FRY: variants seen among roughly 807,000 people sequenced by gnomAD.
FRY encodes the protein FRY microtubule binding protein.
In FRY, 128 loss-of-function variants were observed where a neutral mutation model predicts 348.4. The observed-to-expected ratio is 0.37, with a 90% CI of 0.32 to 0.43. FRY has a LOEUF of 0.43. FRY is among the 20% of genes least tolerant of loss of function. The probability of loss-of-function intolerance (pLI) is 1.00; values close to 1 mark genes in which losing one functional copy is unlikely to be tolerated. For synonymous variants in FRY, 1,370 were observed against 1,374.7 expected, an observed-to-expected ratio of 1.00 and a Z score of 0.08; for missense variants, 2,736 against 3,695.2, an observed-to-expected ratio of 0.74 and a Z score of 6.73.
rs765711175 is a variant in FRY, at chr13:32,078,857, A to C, written c.94A>C (p.Ile32Leu). 1 of 1,614,104 alleles carries C rather than the reference A, an allele frequency of 6.2e-7. No individual in the cohort carries two copies. Residue 32 changes from isoleucine (I) to leucine (L), a missense_variant, in exon 2 of 61, where the codon ATC becomes CTC. Ile to Leu is a conservative substitution (Grantham distance 5, BLOSUM62 2). Transcript: ENST00000542859. ...SNTSPVGNGY[I>L]KPPVPPASGT... ...AGCTTCTCCCGTTGGCAACGGTTAC[A>C]TCAAGCCTCCGGTTCCACCTGCTTC...
chr13:32,144,245 G>A lies in FRY; in HGVS notation c.1180-3037G>A, dbSNP rs1299598708. ...CAAAAAAAAAAACTTCTACATAAAT[G>A]TGTGCTTCTAAAAAGCCAGGTTTTT... On this transcript the variant is annotated intron_variant, in intron 11 of 60. Transcript: ENST00000542859. Among the ~76,000 whole-genome samples the A allele has an allele frequency of 3.4e-5, 5 of 148,688 alleles. 1 individual carries two copies. In the South Asian group the frequency reaches 6.4e-4, roughly 19 times the overall value.
At chr13:32,101,648 T>C (rs1359919392) in intron 2 of FRY, among the ~76,000 whole-genome samples, 1 of 152,238 alleles carries the variant, frequency 6.6e-6, no homozygotes, top group African/African-American at 2.4e-5. Context: ...TTTGTCTTTT[T>C]GATAAAAGTC....
intron 39 of FRY, 21 bp from the exon 40 acceptor site, chr13:32,228,435 T>C (rs1401548825): frequency 1.3e-6 from 2 of 1,596,686 alleles, no homozygotes; most frequent in Admixed American, 1.7e-5. Context: ...ACATCCCTCC[T>C]TGACCTTCTT....
At chr13:32,056,334 A>G (rs1410303923) in intron 1 of FRY, among the ~76,000 whole-genome samples, 1 of 152,198 alleles carries the variant, frequency 6.6e-6, no homozygotes, top group Non-Finnish European at 1.5e-5. Flanking sequence ...CTGCTTCACC[A>G]GTAGCTTGCT....
intron 17 of FRY, among the ~76,000 whole-genome samples, chr13:32,166,189 C>T (rs1278813908): frequency 2.0e-5 from 3 of 152,220 alleles, no homozygotes; most frequent in Non-Finnish European, 4.4e-5. Flanking sequence ...GAAATTTAGC[C>T]TTAGTTCCCC....
intron 3 of FRY, among the ~76,000 whole-genome samples, chr13:32,113,937 C>T (rs17077090): frequency 0.05 from 7,560 of 152,158 alleles, 232 homozygotes; most frequent in African/African-American, 0.1. Context: ...GGAAAGTATG[C>T]CCAGTAGATC....
intron 36 of FRY, among the ~76,000 whole-genome samples, chr13:32,223,831 C>T (rs1242924779): frequency 6.6e-6 from 1 of 152,116 alleles, no homozygotes; most frequent in African/African-American, 2.4e-5. Context: ...CAGATTCAAG[C>T]GATTCTCCTG....
At chr13:32,057,202 A>T (rs1453277211) in intron 1 of FRY, among the ~76,000 whole-genome samples, 1 of 151,310 alleles carries the variant, frequency 6.6e-6, no homozygotes, top group East Asian at 1.9e-4. Context: ...ACAGACTCTC[A>T]CTCTGTCACC....
chr13:32,134,840 A>G, intron 8 of FRY, 64 bp from the exon 9 acceptor site: 1 of 977,168 alleles, frequency 1.0e-6, no homozygotes, highest in African/African-American at 1.6e-5. Context: ...AAACTTGTTT[A>G]AATACATTCT....
chr13:32,153,891 AAGGG>A (rs1378063781), intron 14 of FRY, among the ~76,000 whole-genome samples: 1 of 152,206 alleles, frequency 6.6e-6, no homozygotes, highest in Non-Finnish European at 1.5e-5. Flanking sequence ...AGACAAATAA[AAGGG>A]AGAGTTGTGA....
intron 55 of FRY, among the ~76,000 whole-genome samples, chr13:32,273,514 G>A (rs1336299127): frequency 5.3e-5 from 8 of 151,976 alleles, no homozygotes; most frequent in African/African-American, 1.9e-4. Flanking sequence ...GAGCCACCGC[G>A]CCCGGCCTAA....
chr13:32,194,013 A>G, intron 28 of FRY, 130 bp from the exon 29 acceptor site: 1 of 921,454 alleles, frequency 1.1e-6, no homozygotes, highest in South Asian at 1.3e-5. Context: ...ATATGACATA[A>G]AAACCAAAAT....
intron 23 of FRY, among the ~76,000 whole-genome samples, chr13:32,182,581 T>G (rs1051547582): frequency 1.7e-4 from 26 of 152,226 alleles, no homozygotes; most frequent in Admixed American, 1.5e-3. Context: ...TTTATTTATC[T>G]TGAGCTCCAT....
At chr13:32,151,564 G>A (rs17077134) in intron 14 of FRY, among the ~76,000 whole-genome samples, 6,248 of 152,324 alleles carry the variant, frequency 0.041, 398 homozygotes, top group African/African-American at 0.14. Flanking sequence ...GAAGTAGCTT[G>A]TGGAACAAGG....
chr13:32,139,648 T>C (rs1879937326), intron 11 of FRY, among the ~76,000 whole-genome samples: 1 of 152,242 alleles, frequency 6.6e-6, no homozygotes, highest in Non-Finnish European at 1.5e-5. Flanking sequence ...TTTTTCTACT[T>C]AATTAACTTA....
Position 32,218,827 on chromosome 13 carries a change from T to C in FRY, c.4761T>C (p.Asp1587=), listed in dbSNP as rs1368911495. 2.5e-6 allele frequency: 4 copies of C among 1,569,968 alleles called. No individual in the cohort carries two copies. The highest frequency in any genetic ancestry group is 1.8e-6 in the Non-Finnish European group (2 of 1,140,142). The change falls in exon 36 of 61, where the codon GAT becomes GAC. Residue 1587 remains aspartate (D), a synonymous_variant. Coordinates refer to ENST00000542859, the MANE Select transcript of FRY (RefSeq NM_023037.3). The part of the protein sequence containing the change: ...SNSSGGSYDE[D]KNDPISPYTG... ...GCTCTGGAGGATCCTACGATGAAGA[T>C]AAAAGTAAGTACCAACAGGCTGTGG...
chr13:32,265,660 G>T, intron 54 of FRY, 44 bp downstream of exon 54: 3 of 1,570,532 alleles, frequency 1.9e-6, no homozygotes, highest in Non-Finnish European at 2.6e-6. Context: ...AATGTGCATG[G>T]TACATTATAT....
chr13:32,089,101 G>A (rs1876081309), intron 2 of FRY, among the ~76,000 whole-genome samples: 1 of 152,092 alleles, frequency 6.6e-6, no homozygotes, highest in African/African-American at 2.4e-5. Flanking sequence ...ACAACATTTT[G>A]CATTTTGACA....
At chr13:32,267,470 C>T in intron 55 of FRY, 111 bp downstream of exon 55, 1 of 896,020 alleles carries the variant, frequency 1.1e-6, no homozygotes, top group Non-Finnish European at 1.8e-6. Flanking sequence ...ACTGTATTTT[C>T]TCCTCCAGAC....
Sources: gnomAD v4.1 joint callset for allele counts (sites outside exome capture counted in the v4.1 genomes callset) on GRCh38, gnomAD v4.1.1 for gene constraint, MANE v1.5 for transcripts, NCBI Gene and HGNC (gene_info 2026-07-23, HGNC 2026-07-21) for gene names.